The following SUGCT variants were observed in gnomAD, a reference collection of about 807,000 sequenced individuals.
SUGCT encodes succinyl-CoA:glutarate-CoA transferase.
SUGCT carries 41 observed loss-of-function variants against 55.0 expected under a neutral mutation model. The observed-to-expected ratio is 0.74, with a 90% CI of 0.58 to 0.97. The LOEUF (loss-of-function observed/expected upper bound fraction) is 0.97. Ranked by LOEUF, SUGCT falls within the 50% of genes least tolerant of loss-of-function variation. The probability of loss-of-function intolerance (pLI) is 0.00; values close to 1 mark genes in which losing one functional copy is unlikely to be tolerated. For synonymous variants in SUGCT, 187 were observed against 200.4 expected (o/e 0.93, Z 0.56); for missense variants, 568 against 547.8 (o/e 1.04, Z -0.37).
intron 6 of SUGCT, among the ~76,000 whole-genome samples, chr7:40,200,305 G>C (rs976615509): frequency 1.3e-5 from 2 of 152,094 alleles, no homozygotes; most frequent in African/African-American, 4.8e-5. Context: ...CTATAAACAA[G>C]TTAAAACATA....
At chr7:40,453,844 C>T (rs2151436304) in intron 10 of SUGCT, among the ~76,000 whole-genome samples, 1 of 152,264 alleles carries the variant, frequency 6.6e-6, no homozygotes, top group South Asian at 2.1e-4. Flanking sequence ...GAAGATGACA[C>T]AGATGTTGGA....
chr7:40,500,717 C>T (rs541011784), intron 12 of SUGCT, among the ~76,000 whole-genome samples: 1 of 152,102 alleles, frequency 6.6e-6, no homozygotes, highest in Non-Finnish European at 1.5e-5. Context: ...TAGACTAGCT[C>T]ATATTATCTG....
At chr7:40,496,722 T>C (rs1791995881) in intron 12 of SUGCT, among the ~76,000 whole-genome samples, 1 of 104,672 alleles carries the variant, frequency 9.6e-6, no homozygotes, top group Admixed American at 8.7e-5. Context: ...TAGGAAGAAA[T>C]ATGAGAACTT....
chr7:40,342,217 A>G (rs1335733868), intron 9 of SUGCT, among the ~76,000 whole-genome samples: 1 of 152,218 alleles, frequency 6.6e-6, no homozygotes, highest in African/African-American at 2.4e-5. Flanking sequence ...GTCATTAGTG[A>G]CCTAGTAGAA....
chr7:40,988,956 A>T, the SUGCT span, among the ~76,000 whole-genome samples: 4 of 152,266 alleles, frequency 2.6e-5, no homozygotes, highest in East Asian at 7.7e-4. Flanking sequence ...AGACACAACA[A>T]TACAGCAAAT....
At chr7:40,866,648 G>T in the SUGCT span, among the ~76,000 whole-genome samples, 1 of 151,748 alleles carries the variant, frequency 6.6e-6, no homozygotes, top group Non-Finnish European at 1.5e-5. Flanking sequence ...CGACAGAGCC[G>T]AAGTAGCCAG....
chr7:40,165,869 C>T (rs1164151366), intron 1 of SUGCT, among the ~76,000 whole-genome samples: 1 of 152,204 alleles, frequency 6.6e-6, no homozygotes, highest in South Asian at 2.1e-4. Flanking sequence ...CCTATGACCG[C>T]AGAACTTTGG....
rs143678731 is a variant in SUGCT, at chr7:40,240,286, C to G, written c.576+2560C>G. Among the ~76,000 whole-genome samples the G allele has an allele frequency of 2.7e-3, 418 of 152,174 alleles. 4 individuals are homozygous for G. The highest frequency in any genetic ancestry group is 9.6e-3 in the African/African-American group (399 of 41,526). The stretch of plus-strand genomic sequence containing the variant: ...GTCACCTGAGTTCGGGAGTTCGAGA[C>G]CAGCCTGATCAACATGGAGAAACCC... On this transcript the variant is annotated intron_variant, in intron 7 of 13. Coordinates refer to ENST00000335693, the MANE Select transcript of SUGCT (RefSeq NM_001193313.2).
intron 13 of SUGCT, among the ~76,000 whole-genome samples, chr7:40,830,874 T>C (rs1388762529): frequency 6.6e-6 from 1 of 152,186 alleles, no homozygotes; most frequent in East Asian, 1.9e-4. Context: ...ATTTTTACTC[T>C]AATCTTTCCC....
intron 12 of SUGCT, among the ~76,000 whole-genome samples, chr7:40,688,737 G>A (rs563546359): frequency 2.8e-4 from 42 of 152,134 alleles, no homozygotes; most frequent in African/African-American, 9.9e-4. Flanking sequence ...ATGTTTCTCT[G>A]CATGTTACAC....
intron 12 of SUGCT, among the ~76,000 whole-genome samples, chr7:40,749,202 G>T (rs1170603720): frequency 6.6e-6 from 1 of 152,184 alleles, no homozygotes; most frequent in East Asian, 1.9e-4. Context: ...AGGTCTTATT[G>T]AAATGTTTTC....
At chr7:40,865,002 CG>C (rs1318227299), downstream of SUGCT, among the ~76,000 whole-genome samples, 1 of 151,972 alleles carries the variant, frequency 6.6e-6, no homozygotes, top group African/African-American at 2.4e-5. Context: ...GCTGCCTCCC[CG>C]CTCTTCCATT....
At chr7:40,481,368 A>G (rs1330952591) in intron 11 of SUGCT, among the ~76,000 whole-genome samples, 1 of 150,644 alleles carries the variant, frequency 6.6e-6, no homozygotes. Context: ...TATATATATA[A>G]TATTTCCTAT....
chr7:40,171,280 G>T (rs532474522), intron 1 of SUGCT, among the ~76,000 whole-genome samples: 158 of 152,284 alleles, frequency 1.0e-3, no homozygotes, highest in African/African-American at 3.5e-3. Flanking sequence ...TGCTTTTTTT[G>T]TAAGTACTGT....
intron 12 of SUGCT, among the ~76,000 whole-genome samples, chr7:40,608,421 G>A (rs571235465): frequency 2.0e-5 from 3 of 152,178 alleles, no homozygotes; most frequent in African/African-American, 7.2e-5. Flanking sequence ...AATACGTTGG[G>A]GATTATGGTT....
intron 12 of SUGCT, among the ~76,000 whole-genome samples, chr7:40,592,283 GTCTC>G (rs1264536258): frequency 8.5e-5 from 13 of 152,250 alleles, no homozygotes; most frequent in Middle Eastern, 3.4e-3. Context: ...AGGTCCCATT[GTCTC>G]TCTTATTATT....
chr7:40,470,553 C>T lies in SUGCT; in HGVS notation c.986+11355C>T, dbSNP rs944550486. On this transcript the variant is annotated intron_variant, in intron 11 of 13. Coordinates refer to ENST00000335693, the MANE Select transcript of SUGCT (RefSeq NM_001193313.2). ...GTTGCTCACTGCTTCCATTGGCTGA[C>T]GGTACCTACCTTAGTTCTAGTTTGT... Among the ~76,000 whole-genome samples, 17 of 152,100 alleles carry T rather than the reference C, an allele frequency of 1.1e-4. 2 individuals are homozygous for T. Among genetic ancestry groups the T allele is most frequent in the Admixed American group, 9.8e-4 (15 of 15,252 alleles).
intron 8 of SUGCT, among the ~76,000 whole-genome samples, chr7:40,305,419 G>A (rs535618220): frequency 6.6e-5 from 10 of 152,270 alleles, no homozygotes; most frequent in African/African-American, 2.4e-4. Context: ...TCCTGTTGTG[G>A]AGAGAGAGCA....
chr7:40,299,750 TTTTGC>T, intron 8 of SUGCT, among the ~76,000 whole-genome samples: 1 of 152,302 alleles, frequency 6.6e-6, no homozygotes, highest in Non-Finnish European at 1.5e-5. Flanking sequence ...TAGAAATCAA[TTTTGC>T]TATTTTATAG....
Sources: gnomAD v4.1 joint callset for allele counts (sites outside exome capture counted in the v4.1 genomes callset) on GRCh38, gnomAD v4.1.1 for gene constraint, MANE v1.5 for transcripts, NCBI Gene and HGNC (gene_info 2026-07-23, HGNC 2026-07-21) for gene names.